Variants in EML6 observed in about 807,000 individuals in gnomAD.
The protein encoded by EML6 is EMAP like 6.
In EML6, 154 loss-of-function variants were observed where a neutral mutation model predicts 240.1. That is an observed-to-expected ratio of 0.64 (90% CI 0.56 to 0.73). The LOEUF (loss-of-function observed/expected upper bound fraction) is 0.73, where lower values mean the gene tolerates loss of function less well. EML6 is among the 30% of genes least tolerant of loss of function. EML6 has a pLI of 0.00. For missense variants in EML6, 2,964 were observed against 2,474.6 expected (o/e 1.20, Z -4.20); for synonymous variants, 1,148 against 899.0 (o/e 1.28, Z -4.95).
chr2:54,893,173 A>G (rs1338659428), intron 19 of EML6, among the ~76,000 whole-genome samples: 2 of 152,208 alleles, frequency 1.3e-5, no homozygotes, highest in African/African-American at 4.8e-5. Flanking sequence ...CAAGCTCATC[A>G]TAATTGCCCT....
At chr2:54,780,770 T>G (rs920916570) in intron 2 of EML6, among the ~76,000 whole-genome samples, 3 of 152,232 alleles carry the variant, frequency 2.0e-5, no homozygotes, top group African/African-American at 7.2e-5. Context: ...AAAAGGATAA[T>G]GCTGAAGAAT....
intron 24 of EML6, among the ~76,000 whole-genome samples, chr2:54,907,910 A>G (rs1054737707): frequency 9.3e-5 from 5 of 53,744 alleles, no homozygotes; most frequent in Non-Finnish European, 1.8e-4. Context: ...TTAGATAGAT[A>G]GATAGATAGA....
intron 29 of EML6, among the ~76,000 whole-genome samples, 178 bp downstream of exon 29, chr2:54,949,138 G>T (rs558401600): frequency 6.6e-6 from 1 of 152,014 alleles, no homozygotes; most frequent in African/African-American, 2.4e-5. Flanking sequence ...GACCAGAGTC[G>T]CAGCCACTGT....
intron 11 of EML6, among the ~76,000 whole-genome samples, chr2:54,857,795 C>T (rs1220621939): frequency 6.6e-6 from 1 of 151,992 alleles, no homozygotes; most frequent in Non-Finnish European, 1.5e-5. Context: ...AGAGAAAATG[C>T]CTAGCATGTT....
chr2:54,793,017 C>G (rs1669540871), intron 2 of EML6, among the ~76,000 whole-genome samples: 1 of 152,172 alleles, frequency 6.6e-6, no homozygotes, highest in African/African-American at 2.4e-5. Flanking sequence ...ACTATAATCT[C>G]AGCACTTTAG....
intron 26 of EML6, among the ~76,000 whole-genome samples, chr2:54,917,358 G>GTTTTTTTTTTTTTTTTT (rs147785699): frequency 8.1e-6 from 1 of 123,820 alleles, no homozygotes; most frequent in Non-Finnish European, 1.6e-5. Flanking sequence ...TTTTTTTTTT[G>GTTTTTTTTTTTTTTTTT]TTTTTTTTTT....
chr2:54,942,112 A>C (rs931903798), intron 28 of EML6, among the ~76,000 whole-genome samples: 2 of 152,230 alleles, frequency 1.3e-5, no homozygotes, highest in Non-Finnish European at 2.9e-5. Flanking sequence ...TTTGAAGCAA[A>C]GCAATGACTT....
chr2:54,786,963 A>G (rs573387301), intron 2 of EML6, among the ~76,000 whole-genome samples: 2 of 152,288 alleles, frequency 1.3e-5, no homozygotes, highest in Admixed American at 1.3e-4. Flanking sequence ...CTCCCAGTGC[A>G]GTTGAAATCT....
intron 13 of EML6, among the ~76,000 whole-genome samples, chr2:54,866,284 T>C (rs942157615): frequency 6.6e-6 from 1 of 152,198 alleles, no homozygotes; most frequent in African/African-American, 2.4e-5. Context: ...CAGCACGTTT[T>C]AGGTCCCAAG....
rs1558725799 is a variant in EML6 at position 54,957,847 on chromosome 2, G to A, written c.4544G>A (p.Arg1515His). ...GAGCGCATATTTGTGGTGGAATTTC[G>A]CCCCGACTCAGACACGCAGTTTGTA... ...HLERIFVVEF[R>H]PDSDTQFVSV... The change falls in exon 33 of 42, where the codon CGC becomes CAC. Residue 1515 changes from arginine to histidine, a missense_variant. Coordinates refer to ENST00000356458, the MANE Select transcript of EML6 (RefSeq NM_001039753.4). The A allele has an allele frequency of 5.2e-6, 8 of 1,550,786 alleles. No individual in the cohort carries two copies. The highest frequency in any genetic ancestry group is 1.9e-4 in the Middle Eastern group (1 of 5,240).
chr2:54,829,757 T>C (rs191864543), intron 7 of EML6, among the ~76,000 whole-genome samples: 10 of 152,312 alleles, frequency 6.6e-5, no homozygotes, highest in East Asian at 5.8e-4. Context: ...TGAGACGTTC[T>C]AGACAAGTTG....
At chr2:54,855,342 C>T (rs1670314681) in intron 11 of EML6, among the ~76,000 whole-genome samples, 1 of 152,088 alleles carries the variant, frequency 6.6e-6, no homozygotes, top group African/African-American at 2.4e-5. Flanking sequence ...AGGGTTCCTA[C>T]ACTTGTGAGC....
In EML6 at chr2:54,760,822, A is replaced by ATTTT. The variant is rs200476039; in HGVS notation, c.197+35584_197+35587dup. On this transcript the variant is annotated intron_variant, in intron 2 of 41. Transcript: ENST00000356458. ...CCCATTGCTTTGAAGTTGAGGGAGC[A>ATTTT]TTTTTTTTTTTTTTTTTTTTTTTAC... Among the ~76,000 whole-genome samples the ATTTT allele has an allele frequency of 9.5e-3, 1,143 of 120,332 alleles. 18 individuals are homozygous for ATTTT. The highest frequency in any genetic ancestry group is 0.053 in the South Asian group (195 of 3,696). 78.9% of individuals were successfully genotyped at this position (120,332 alleles called of 152,430 possible).
intron 25 of EML6, among the ~76,000 whole-genome samples, chr2:54,915,238 T>G (rs1003960791): frequency 7.2e-5 from 11 of 152,210 alleles, no homozygotes; most frequent in Non-Finnish European, 1.6e-4. Context: ...TGCCCTGATC[T>G]GGCCAACAGT....
At chr2:54,964,760 G>A (rs185903289) in intron 38 of EML6, 27 bp downstream of exon 38, 3 of 1,549,700 alleles carry the variant, frequency 1.9e-6, no homozygotes, top group African/African-American at 2.7e-5. Flanking sequence ...CTTATATCTG[G>A]GGCAACCAAT....
intron 2 of EML6, among the ~76,000 whole-genome samples, chr2:54,794,096 T>C (rs1669624380): frequency 6.6e-6 from 1 of 151,492 alleles, no homozygotes; most frequent in African/African-American, 2.4e-5. Flanking sequence ...TTATCTCAAA[T>C]AAATCTTATC....
At chr2:54,879,320 T>C (rs190002394) in intron 16 of EML6, among the ~76,000 whole-genome samples, 163 of 152,364 alleles carry the variant, frequency 1.1e-3, no homozygotes, top group African/African-American at 3.7e-3. Flanking sequence ...GTCCATTTAG[T>C]ATATGATACC....
chr2:54,753,696 G>A (rs529674368), intron 2 of EML6, among the ~76,000 whole-genome samples: 3 of 144,060 alleles, frequency 2.1e-5, no homozygotes, highest in South Asian at 2.2e-4. Context: ...GACTGGGTCT[G>A]ATTCTGTGGC....
chr2:54,969,906 T>C (rs1307197833), intron 41 of EML6, among the ~76,000 whole-genome samples, 165 bp from the exon 42 acceptor site: 1 of 152,158 alleles, frequency 6.6e-6, no homozygotes, highest in Non-Finnish European at 1.5e-5. Context: ...AGAAAAGCAA[T>C]AGATCTTAAT....
Sources: allele counts gnomAD v4.1 joint callset (sites outside exome capture counted in the v4.1 genomes callset), GRCh38; gene constraint gnomAD v4.1.1; transcripts MANE v1.5; gene names NCBI Gene and HGNC (gene_info 2026-07-23, HGNC 2026-07-21).